GNB4: variants seen among roughly 807,000 people sequenced by gnomAD.
GNB4 encodes the protein G protein subunit beta 4, also known as guanine nucleotide-binding protein subunit beta-4.
GNB4 carries 28 observed loss-of-function variants against 45.2 expected under a neutral mutation model. That is an observed-to-expected ratio of 0.62 (90% CI 0.46 to 0.85). The LOEUF (loss-of-function observed/expected upper bound fraction) is 0.85, where lower values mean the gene tolerates loss of function less well. Ranked by LOEUF, GNB4 falls within the 40% of genes least tolerant of loss-of-function variation. GNB4 has a pLI of 0.00. For missense variants in GNB4, 321 were observed against 425.4 expected (o/e 0.75, Z 2.16); for synonymous variants, 132 against 143.7 (o/e 0.92, Z 0.58).
chr3:179,403,116 A>G (rs1341652878), intron 9 of GNB4, among the ~76,000 whole-genome samples: 1 of 152,230 alleles, frequency 6.6e-6, no homozygotes, highest in Non-Finnish European at 1.5e-5. Flanking sequence ...GAAGAAAGGC[A>G]GAAAGGCAGA....
At chr3:179,465,622 G>A in the GNB4 span, among the ~76,000 whole-genome samples, 2 of 151,892 alleles carry the variant, frequency 1.3e-5, no homozygotes, top group East Asian at 1.9e-4. Flanking sequence ...CTGATTAAAG[G>A]TCTTTTTTTC....
At chr3:179,490,578 A>G in the GNB4 span, among the ~76,000 whole-genome samples, 507 of 152,294 alleles carry the variant, frequency 3.3e-3, 3 homozygotes, top group African/African-American at 0.012. Context: ...AAATCTTGAG[A>G]ACCTGGAGGG....
At chr3:179,511,924 G>A in the GNB4 span, among the ~76,000 whole-genome samples, 20 of 152,244 alleles carry the variant, frequency 1.3e-4, no homozygotes, top group South Asian at 2.1e-3. Flanking sequence ...GGCCCCACGC[G>A]GCTGAGTACT....
At chr3:179,418,470 C>CAAAAAAAAAAAAAAAAA (rs386356535) in intron 4 of GNB4, among the ~76,000 whole-genome samples, 4 of 95,380 alleles carry the variant, frequency 4.2e-5, no homozygotes, top group Admixed American at 1.2e-4. Flanking sequence ...AACTCTGTCT[C>CAAAAAAAAAAAAAAAAA]AAAAAAAAAA....
intron 9 of GNB4, 88 bp downstream of exon 9, chr3:179,405,102 A>G: frequency 1.1e-6 from 1 of 881,636 alleles, no homozygotes; most frequent in Non-Finnish European, 1.8e-6. Flanking sequence ...CACAACTCCA[A>G]GATGTCCATG....
intron 1 of GNB4, among the ~76,000 whole-genome samples, chr3:179,441,833 TTCA>T (rs1715600900): frequency 6.6e-6 from 1 of 152,002 alleles, no homozygotes; most frequent in African/African-American, 2.4e-5. Context: ...GAGACGGAGT[TTCA>T]CTCTTGTTGC....
chr3:179,484,306 G>C, the GNB4 span, among the ~76,000 whole-genome samples: 1 of 152,186 alleles, frequency 6.6e-6, no homozygotes, highest in African/African-American at 2.4e-5. Context: ...TTCGGGTTCT[G>C]TTCCTCCAGA....
the GNB4 span, among the ~76,000 whole-genome samples, chr3:179,522,286 C>T: frequency 1.2e-4 from 17 of 147,668 alleles, no homozygotes; most frequent in African/African-American, 2.7e-4. Context: ...TGTGAACCCC[C>T]GCCCCTGCCC....
the GNB4 span, among the ~76,000 whole-genome samples, chr3:179,471,178 C>CAA: frequency 1.5e-5 from 2 of 132,298 alleles, no homozygotes; most frequent in Admixed American, 7.8e-5. Flanking sequence ...GACTCCGTCT[C>CAA]AAAAAAAAAA....
the GNB4 span, among the ~76,000 whole-genome samples, chr3:179,478,400 A>T: frequency 6.6e-6 from 1 of 152,218 alleles, no homozygotes; most frequent in African/African-American, 2.4e-5. Context: ...TGCCTGATCC[A>T]TAGGGAACAG....
At chr3:179,526,316 A>G in the GNB4 span, among the ~76,000 whole-genome samples, 3 of 152,328 alleles carry the variant, frequency 2.0e-5, no homozygotes, top group East Asian at 3.9e-4. Flanking sequence ...CACAGGGGAT[A>G]TGATGGCTTA....
At chr3:179,480,944 C>T in the GNB4 span, among the ~76,000 whole-genome samples, 304 of 151,238 alleles carry the variant, frequency 2.0e-3, no homozygotes, top group Admixed American at 3.6e-3. Context: ...CTCCGCCTCC[C>T]GGGTTCACCC....
the GNB4 span, among the ~76,000 whole-genome samples, chr3:179,500,259 A>G: frequency 6.6e-6 from 1 of 152,190 alleles, no homozygotes; most frequent in African/African-American, 2.4e-5. Flanking sequence ...TAATTTTTGT[A>G]TAAGGTGTAA....
the GNB4 span, among the ~76,000 whole-genome samples, chr3:179,522,755 G>T: frequency 6.6e-6 from 1 of 152,176 alleles, no homozygotes; most frequent in East Asian, 1.9e-4. Flanking sequence ...TGAATGTCAG[G>T]TGGATCAGAG....
intron 6 of GNB4, 42 bp from the exon 7 acceptor site, chr3:179,413,823 G>C (rs1225957787): frequency 2.2e-6 from 3 of 1,378,330 alleles, no homozygotes; most frequent in South Asian, 2.4e-5. Flanking sequence ...ATCACTGATT[G>C]AATAACTCAG....
the GNB4 span, among the ~76,000 whole-genome samples, chr3:179,478,051 G>C: frequency 6.6e-6 from 1 of 152,156 alleles, no homozygotes; most frequent in Admixed American, 6.5e-5. Context: ...AGATCAAGGG[G>C]CTCACATCTT....
chr3:179,443,615 C>T (rs1351350903), intron 1 of GNB4, among the ~76,000 whole-genome samples: 1 of 152,146 alleles, frequency 6.6e-6, no homozygotes, highest in Non-Finnish European at 1.5e-5. Context: ...CTGTAGATTT[C>T]ATTTTTCTTA....
the GNB4 span, chr3:179,464,660 A>G: frequency 3.6e-6 from 4 of 1,099,288 alleles, no homozygotes; most frequent in Non-Finnish European, 5.6e-6. Flanking sequence ...TTGTGAAACC[A>G]GCTTCAATTT....
intron 2 of GNB4, among the ~76,000 whole-genome samples, chr3:179,425,563 A>C (rs933541009): frequency 6.6e-6 from 1 of 152,126 alleles, no homozygotes; most frequent in Non-Finnish European, 1.5e-5. Context: ...CTCCGTCTCC[A>C]GGGATCAAGC....
Sources: allele counts gnomAD v4.1 joint callset (sites outside exome capture counted in the v4.1 genomes callset), GRCh38; gene constraint gnomAD v4.1.1; transcripts MANE v1.5; gene names NCBI Gene and HGNC (gene_info 2026-07-23, HGNC 2026-07-21).